Variants in ST6GALNAC3 observed in about 807,000 individuals in gnomAD.
The protein encoded by ST6GALNAC3 is ST6 N-acetylgalactosaminide alpha-2,6-sialyltransferase 3, also known as alpha-N-acetylgalactosaminide alpha-2,6-sialyltransferase 3.
In ST6GALNAC3, 25 loss-of-function variants were observed where a neutral mutation model predicts 32.7. The observed-to-expected ratio is 0.76, with a 90% CI of 0.56 to 1.07. The LOEUF is 1.07. ST6GALNAC3 is among the 50% of genes least tolerant of loss of function. The probability of loss-of-function intolerance (pLI) is 0.00; values close to 1 mark genes in which losing one functional copy is unlikely to be tolerated. For synonymous variants in ST6GALNAC3, 129 were observed against 133.1 expected, an observed-to-expected ratio of 0.97 and a Z score of 0.21; for missense variants, 355 against 382.4, an observed-to-expected ratio of 0.93 and a Z score of 0.60.
intron 1 of ST6GALNAC3, among the ~76,000 whole-genome samples, chr1:76,292,328 G>A (rs1362332909): frequency 6.6e-6 from 1 of 151,924 alleles, no homozygotes; most frequent in Non-Finnish European, 1.5e-5. Flanking sequence ...ATGATACACT[G>A]ATACACCTGG....
At chr1:76,345,843 G>T (rs1482538904) in intron 2 of ST6GALNAC3, among the ~76,000 whole-genome samples, 1 of 151,936 alleles carries the variant, frequency 6.6e-6, no homozygotes, top group African/African-American at 2.4e-5. Context: ...TGGTCTCCTT[G>T]CTATTTTTGA....
At position 76,631,316 on chromosome 1, in the gene ST6GALNAC3, AAC is replaced by A. The variant is rs745812115; in HGVS notation, c.*2512_*2513del. ...CAAACAGGAAACAAAAAAAAAAAAA[AAC>A]AAGTTTTTCTCAATTTGGAGACTCA... On this transcript the variant is annotated 3_prime_UTR_variant, in exon 5 of 5. Transcript: ENST00000328299. The A allele has an allele frequency of 2.7e-5, 4 of 147,346 alleles. No homozygotes were observed. 9.1% of individuals were successfully genotyped at this position (147,346 alleles called of 1,614,324 possible).
At chr1:76,259,680 C>G (rs1447742358) in intron 1 of ST6GALNAC3, among the ~76,000 whole-genome samples, 1 of 152,114 alleles carries the variant, frequency 6.6e-6, no homozygotes, top group African/African-American at 2.4e-5. Flanking sequence ...TGTGACCTTT[C>G]TTGAAAATAA....
At chr1:76,272,129 C>T (rs370171550) in intron 1 of ST6GALNAC3, among the ~76,000 whole-genome samples, 2 of 151,974 alleles carry the variant, frequency 1.3e-5, no homozygotes, top group East Asian at 3.9e-4. Context: ...AGATTGAGAT[C>T]ATCCTGGCCA....
chr1:76,439,356 C>T (rs989445838), intron 3 of ST6GALNAC3, among the ~76,000 whole-genome samples: 3 of 152,132 alleles, frequency 2.0e-5, no homozygotes, highest in South Asian at 2.1e-4. Context: ...CTCCCTAATA[C>T]GTATGGCTTA....
At chr1:76,269,172 G>A (rs1327956219) in intron 1 of ST6GALNAC3, among the ~76,000 whole-genome samples, 1 of 152,170 alleles carries the variant, frequency 6.6e-6, no homozygotes, top group African/African-American at 2.4e-5. Flanking sequence ...TGTGGGTCAT[G>A]ACCCTACTCA....
At chr1:76,408,874 T>G (rs965554239) in intron 2 of ST6GALNAC3, among the ~76,000 whole-genome samples, 4 of 152,118 alleles carry the variant, frequency 2.6e-5, no homozygotes, top group Non-Finnish European at 1.5e-5. Flanking sequence ...CCGCACCATA[T>G]GCATCTTGGT....
chr1:76,493,314 A>G (rs1660616722), intron 3 of ST6GALNAC3, among the ~76,000 whole-genome samples: 1 of 152,234 alleles, frequency 6.6e-6, no homozygotes, highest in South Asian at 2.1e-4. Context: ...GATAAGAAGT[A>G]GTGCTGCAAA....
intron 2 of ST6GALNAC3, among the ~76,000 whole-genome samples, chr1:76,357,349 T>G (rs1476124508): frequency 2.0e-5 from 3 of 152,274 alleles, no homozygotes; most frequent in Non-Finnish European, 1.5e-5. Context: ...TTGGCCAGGC[T>G]GGTCTCAAAC....
At chr1:76,159,342 C>T (rs1651670357) in intron 1 of ST6GALNAC3, among the ~76,000 whole-genome samples, 1 of 152,204 alleles carries the variant, frequency 6.6e-6, no homozygotes, top group Non-Finnish European at 1.5e-5. Context: ...GCATATGTCA[C>T]TGGCTAATTT....
chr1:76,332,604 G>C (rs184429053), intron 2 of ST6GALNAC3, among the ~76,000 whole-genome samples: 6 of 152,252 alleles, frequency 3.9e-5, no homozygotes, highest in Admixed American at 6.5e-5. Flanking sequence ...GGCATCCCCT[G>C]AGGTAGTAGG....
intron 1 of ST6GALNAC3, among the ~76,000 whole-genome samples, chr1:76,134,770 A>T (rs1649831004): frequency 6.6e-6 from 1 of 152,208 alleles, no homozygotes. Flanking sequence ...CACTGTCTTC[A>T]GACAGACTGT....
In ST6GALNAC3 at chr1:76,341,784, T is replaced by C. The variant is rs534814660; in HGVS notation, c.213+27785T>C. The stretch of plus-strand genomic sequence containing the variant: ...TGCAGGTTTGTTACATAGGTATACA[T>C]GGGCCATGATGGTTTGCTGCACCCA... On this transcript the variant is annotated intron_variant, in intron 2 of 4. Transcript: ENST00000328299. 1.1e-3 allele frequency among the ~76,000 whole-genome samples: 165 copies of C among 150,378 alleles called. 1 individual carries two copies. The highest frequency in any genetic ancestry group is 4.0e-3 in the African/African-American group (159 of 39,962).
intron 1 of ST6GALNAC3, among the ~76,000 whole-genome samples, chr1:76,288,701 TA>T (rs1032743826): frequency 1.2e-4 from 18 of 152,018 alleles, no homozygotes; most frequent in African/African-American, 3.6e-4. Context: ...AATTTTATTC[TA>T]AAAAAAATTG....
chr1:76,444,432 A>G (rs750661711), intron 3 of ST6GALNAC3, among the ~76,000 whole-genome samples: 2 of 152,024 alleles, frequency 1.3e-5, no homozygotes, highest in Non-Finnish European at 2.9e-5. Context: ...ACAGTAAACA[A>G]CAGGCAAGTT....
chr1:76,303,600 C>A (rs562667109), intron 1 of ST6GALNAC3, among the ~76,000 whole-genome samples: 1 of 152,066 alleles, frequency 6.6e-6, no homozygotes, highest in Non-Finnish European at 1.5e-5. Flanking sequence ...GTCCCTTCCA[C>A]TAAAAAATAA....
At chr1:76,166,538 A>C (rs925790544) in intron 1 of ST6GALNAC3, among the ~76,000 whole-genome samples, 1 of 152,186 alleles carries the variant, frequency 6.6e-6, no homozygotes, top group African/African-American at 2.4e-5. Context: ...TCTGTGAAGA[A>C]TGTCAATGCT....
chr1:76,121,203 A>G (rs1648849594), intron 1 of ST6GALNAC3, among the ~76,000 whole-genome samples: 2 of 152,214 alleles, frequency 1.3e-5, no homozygotes, highest in Admixed American at 1.3e-4. Flanking sequence ...TTTGGAGATT[A>G]GGATGTTGGC....
intron 3 of ST6GALNAC3, among the ~76,000 whole-genome samples, chr1:76,514,801 CAGT>C (rs1010579998): frequency 4.1e-4 from 63 of 152,122 alleles, no homozygotes; most frequent in African/African-American, 1.4e-3. Flanking sequence ...TAAACTAAGA[CAGT>C]GGTGTGTCAC....
Sources: allele counts gnomAD v4.1 joint callset (sites outside exome capture counted in the v4.1 genomes callset), GRCh38; gene constraint gnomAD v4.1.1; transcripts MANE v1.5; gene names NCBI Gene and HGNC (gene_info 2026-07-23, HGNC 2026-07-21).